TPRG1: variants seen among roughly 807,000 people sequenced by gnomAD.
TPRG1 encodes the protein tumor protein p63-regulated gene 1 protein.
A neutral mutation model predicts 29.3 loss-of-function variants in TPRG1; 29 were observed. The ratio of observed to expected loss-of-function variants is 0.99; its 90% confidence interval spans 0.74 to 1.35. TPRG1 has a LOEUF of 1.35. TPRG1 is among the 40% of genes most tolerant of loss of function. The pLI, the probability that TPRG1 is intolerant of heterozygous loss-of-function variation, is 0.00. For synonymous variants in TPRG1, 130 were observed against 116.8 expected (o/e 1.11, Z -0.73); for missense variants, 327 against 335.0 (o/e 0.98, Z 0.19).
intron 1 of TPRG1, among the ~76,000 whole-genome samples, chr3:189,182,023 A>C (rs1330869765): frequency 6.6e-6 from 1 of 152,300 alleles, no homozygotes; most frequent in East Asian, 1.9e-4. Flanking sequence ...TTTTAAAACC[A>C]TCAGATCTCC....
At chr3:189,017,500 A>G (rs1244684448) in intron 3 of TPRG1, among the ~76,000 whole-genome samples, 3 of 151,890 alleles carry the variant, frequency 2.0e-5, no homozygotes, top group Non-Finnish European at 4.4e-5. Context: ...TGTTCTTGTG[A>G]TAGTTTACTG....
intron 4 of TPRG1, among the ~76,000 whole-genome samples, chr3:189,306,051 G>A (rs1721581350): frequency 6.6e-6 from 1 of 152,166 alleles, no homozygotes; most frequent in South Asian, 2.1e-4. Context: ...TGAGGTCTGG[G>A]AACAAATTGA....
intron 3 of TPRG1, among the ~76,000 whole-genome samples, chr3:189,146,512 A>G (rs781020136): frequency 2.0e-5 from 3 of 152,194 alleles, no homozygotes; most frequent in Admixed American, 6.5e-5. Context: ...AGGACCTGCA[A>G]TGCCCTGTAC....
At chr3:189,025,759 G>A (rs1030853980) in intron 4 of TPRG1, among the ~76,000 whole-genome samples, 1 of 152,046 alleles carries the variant, frequency 6.6e-6, no homozygotes, top group Non-Finnish European at 1.5e-5. Context: ...TATTCTCTAG[G>A]GTATAAGAGA....
At chr3:189,055,599 T>C (rs1358531668) in intron 4 of TPRG1, among the ~76,000 whole-genome samples, 2 of 152,222 alleles carry the variant, frequency 1.3e-5, no homozygotes, top group Non-Finnish European at 1.5e-5. Flanking sequence ...GGCTGGGTTG[T>C]GGATGGGAAT....
chr3:189,058,207 G>T (rs922439674), intron 4 of TPRG1, among the ~76,000 whole-genome samples: 1 of 152,010 alleles, frequency 6.6e-6, no homozygotes, highest in Non-Finnish European at 1.5e-5. Context: ...GGAAGAGCGA[G>T]GTCCCAGCGA....
intron 1 of TPRG1, among the ~76,000 whole-genome samples, chr3:189,184,767 C>A (rs1296526868): frequency 6.6e-6 from 1 of 152,204 alleles, no homozygotes; most frequent in Admixed American, 6.5e-5. Flanking sequence ...CTTCTTATTC[C>A]TCTGCCCTTG....
chr3:189,071,377 A>G (rs1248140299), intron 4 of TPRG1, among the ~76,000 whole-genome samples: 1 of 152,168 alleles, frequency 6.6e-6, no homozygotes. Flanking sequence ...TACATTGTTC[A>G]TCCATTTTAT....
intron 3 of TPRG1, among the ~76,000 whole-genome samples, chr3:189,224,433 T>C (rs1737396401): frequency 6.6e-6 from 1 of 151,966 alleles, no homozygotes; most frequent in East Asian, 1.9e-4. Flanking sequence ...TGAACCAAGA[T>C]CGTGCCACTG....
intron 4 of TPRG1, among the ~76,000 whole-genome samples, chr3:189,274,391 T>C (rs1715738794): frequency 6.6e-6 from 1 of 150,376 alleles, no homozygotes; most frequent in African/African-American, 2.4e-5. Flanking sequence ...AAAATGTAAT[T>C]GCCGTTTGTT....
At chr3:189,043,138 T>C (rs1205737689) in intron 4 of TPRG1, among the ~76,000 whole-genome samples, 1 of 152,164 alleles carries the variant, frequency 6.6e-6, no homozygotes, top group Non-Finnish European at 1.5e-5. Context: ...GTTCAAAAAA[T>C]AGAAGGAAAA....
At chr3:189,126,934 G>T (rs933178314) in intron 1 of TPRG1, 4 of 152,154 alleles carry the variant, frequency 2.6e-5, no homozygotes, top group African/African-American at 9.7e-5. Flanking sequence ...GATGATCTAG[G>T]GTTTGAATCC....
intron 4 of TPRG1, among the ~76,000 whole-genome samples, chr3:189,299,052 A>G (rs1026328015): frequency 1.8e-5 from 2 of 112,324 alleles, no homozygotes; most frequent in Non-Finnish European, 3.5e-5. Flanking sequence ...ATTTAGAAAA[A>G]TGGGTTTTTT....
chr3:189,242,097 A>G (rs1222482456), intron 4 of TPRG1, among the ~76,000 whole-genome samples: 1 of 152,178 alleles, frequency 6.6e-6, no homozygotes, highest in African/African-American at 2.4e-5. Context: ...CTTATATTTC[A>G]TCTAAAATTT....
chr3:189,280,248 G>GAT (rs1214494994), intron 4 of TPRG1, among the ~76,000 whole-genome samples: 1 of 151,830 alleles, frequency 6.6e-6, no homozygotes, highest in African/African-American at 2.4e-5. Context: ...TGCACCTGTG[G>GAT]ATATACATAA....
At chr3:189,184,923 G>C (rs1054014169) in intron 1 of TPRG1, among the ~76,000 whole-genome samples, 1 of 152,176 alleles carries the variant, frequency 6.6e-6, no homozygotes, top group Admixed American at 6.5e-5. Context: ...TAGTTCCCTT[G>C]GAGATAAAAG....
intron 1 of TPRG1, among the ~76,000 whole-genome samples, chr3:189,195,474 C>A (rs1174137098): frequency 6.6e-6 from 1 of 152,080 alleles, no homozygotes; most frequent in African/African-American, 2.4e-5. Context: ...GGTGGTTTGG[C>A]AGTAGCTTAG....
chr3:189,277,867 A>G (rs1477211640), intron 4 of TPRG1, among the ~76,000 whole-genome samples: 1 of 152,110 alleles, frequency 6.6e-6, no homozygotes, highest in Non-Finnish European at 1.5e-5. Flanking sequence ...GGAACTCACT[A>G]CCTCCTCAGC....
intron 2 of TPRG1, among the ~76,000 whole-genome samples, chr3:189,003,424 A>G (rs1251353505): frequency 2.0e-5 from 3 of 152,112 alleles, no homozygotes; most frequent in African/African-American, 7.2e-5. Context: ...AAATCCTCTT[A>G]ATTTGGAACA....
Sources: allele counts gnomAD v4.1 joint callset (sites outside exome capture counted in the v4.1 genomes callset), GRCh38; gene constraint gnomAD v4.1.1; transcripts MANE v1.5; gene names NCBI Gene and HGNC (gene_info 2026-07-23, HGNC 2026-07-21).